COPS2: variants seen among roughly 807,000 people sequenced by gnomAD.
COPS2 encodes COP9 signalosome subunit 2, also known as COP9 signalosome complex subunit 2.
COPS2 carries 10 observed loss-of-function variants against 66.1 expected under a neutral mutation model. The ratio of observed to expected loss-of-function variants is 0.15; its 90% CI spans 0.09 to 0.26. The LOEUF (loss-of-function observed/expected upper bound fraction) is 0.26, where lower values mean the gene tolerates loss of function less well. COPS2 is among the 10% of genes least tolerant of loss of function. COPS2 has a pLI of 1.00. For missense variants in COPS2, 215 were observed against 513.3 expected (o/e 0.42, Z 5.62); for synonymous variants, 179 against 171.3 (o/e 1.04, Z -0.35).
chr15:49,146,555 G>A (rs905527020), intron 1 of COPS2, among the ~76,000 whole-genome samples: 41 of 152,094 alleles, frequency 2.7e-4, no homozygotes, highest in African/African-American at 8.5e-4. Context: ...AAAGAGAATA[G>A]TACACGTAGT....
intron 6 of COPS2, 77 bp downstream of exon 6, chr15:49,137,073 A>C: frequency 1.2e-6 from 1 of 863,516 alleles, no homozygotes; most frequent in Non-Finnish European, 1.8e-6. Context: ...TCCCTAAACA[A>C]TATTTTGAAT....
rs1480383503 is a variant in COPS2, at chr15:49,126,669, A to T, written c.*1281T>A. The T allele has an allele frequency of 6.6e-6, 1 of 152,134 alleles. No homozygotes were observed. Among genetic ancestry groups the T allele is most frequent in the Non-Finnish European group, 1.5e-5 (1 of 67,956 alleles). The allele number at this position is 152,134 out of a possible 1,614,324, so 9.4% of individuals were successfully genotyped here. A position where few individuals can be genotyped will look rare whatever the true frequency, so the allele number is the denominator to read the frequency against. On this transcript the variant is annotated 3_prime_UTR_variant, in exon 13 of 13. Transcript: ENST00000388901. ...TGAGCTGAGTTCCTTTAAGGTAGTTACCTTGGAAGGCCACAGTTCATTCTC... is the reference window on the plus strand; with the variant it reads ...TGAGCTGAGTTCCTTTAAGGTAGTTTCCTTGGAAGGCCACAGTTCATTCTC...
intron 3 of COPS2, among the ~76,000 whole-genome samples, chr15:49,141,728 C>A (rs1310249551): frequency 1.3e-5 from 2 of 152,128 alleles, no homozygotes; most frequent in Admixed American, 6.6e-5. Context: ...GGTACAGAAG[C>A]TGAAATCACT....
rs2084180088 is a variant in COPS2, at chr15:49,127,912, C to A, written c.*38G>T. The A allele has an allele frequency of 3.7e-6, 6 of 1,608,236 alleles. No individual in the cohort carries two copies. Among genetic ancestry groups the A allele is most frequent in the Non-Finnish European group, 5.1e-6 (6 of 1,176,178 alleles). ...TTCTTTTAAGGATTACATCTCTGCA[C>A]TGTTGCCTTAAGGACGTCTGTAAAA... is the stretch of plus-strand genomic sequence containing the variant. On this transcript the variant is annotated 3_prime_UTR_variant, in exon 13 of 13. Transcript: ENST00000388901.
chr15:49,136,830 A>G (rs976631513), intron 6 of COPS2, among the ~76,000 whole-genome samples: 2 of 151,990 alleles, frequency 1.3e-5, no homozygotes, highest in Non-Finnish European at 2.9e-5. Flanking sequence ...CTACAAAAAA[A>G]TACAAAAAAT....
At position 49,137,432 on chromosome 15, in the gene COPS2, A is replaced by G. The variant is rs1444747471; in HGVS notation, c.378T>C (p.Asp126=). ...TTGTTTCATAGAATTCCTGCAGTAA[A>G]TCCATCTGACATAAAAAATCAGAAT... ...LDYISTSKQM[D]LLQEFYETTL... Residue 126 remains aspartate, a synonymous_variant, in exon 5 of 13, where the codon GAT becomes GAC. Transcript: ENST00000388901. 1.2e-6 allele frequency: 2 copies of G among 1,608,870 alleles called. No homozygotes were observed. The highest frequency in any genetic ancestry group is 1.7e-5 in the Admixed American group (1 of 59,808).
intron 7 of COPS2, 61 bp from the exon 8 acceptor site, chr15:49,134,169 C>T (rs1028696350): frequency 3.4e-6 from 5 of 1,465,774 alleles, no homozygotes; most frequent in East Asian, 4.5e-5. Context: ...CAAAACTGAC[C>T]ACCTCATAAA....
In COPS2 at chr15:49,128,049, C is replaced by T. The variant is rs1372561747; in HGVS notation, c.1233G>A (p.Leu411=). The T allele has an allele frequency of 6.2e-7, 1 of 1,613,868 alleles. No homozygotes were observed. Among genetic ancestry groups the T allele is most frequent in the Non-Finnish European group, 8.5e-7 (1 of 1,179,830 alleles). The change falls in exon 13 of 13, where the codon CTG becomes CTA. Residue 411 remains leucine, a synonymous_variant. Coordinates refer to ENST00000388901, the MANE Select transcript of COPS2 (RefSeq NM_004236.4). ...RIDQVNQLLE[L]DHQKRGGARY... is the part of the protein sequence containing the mutation. ...GTGCACCACCCCTCTTCTGATGATCCAGTTCAAGGAGTTGGTTGACTTGAT... is the reference window on the plus strand; with the variant it reads ...GTGCACCACCCCTCTTCTGATGATCTAGTTCAAGGAGTTGGTTGACTTGAT...
chr15:49,148,522 A>C (rs1230153913), intron 1 of COPS2, among the ~76,000 whole-genome samples: 1 of 152,240 alleles, frequency 6.6e-6, no homozygotes, highest in African/African-American at 2.4e-5. Context: ...TTTGGGCTGA[A>C]GCACAGGATG....
chr15:49,137,891 G>A (rs754608345), intron 4 of COPS2: 2 of 158,366 alleles, frequency 1.3e-5, no homozygotes, highest in Admixed American at 1.2e-4. Context: ...AGCAGTAAAT[G>A]AAATGTACAT....
In COPS2 at chr15:49,147,947, C is replaced by T. The variant is rs532285894; in HGVS notation, c.55-2869G>A. 9.9e-5 allele frequency among the ~76,000 whole-genome samples: 15 copies of T among 152,208 alleles called. No individual in the cohort carries two copies. The South Asian group carries it at 2.7e-3, about 27-fold the overall frequency. ...CAACTGATGTTCTACTGATTGACTA[C>T]AAATAGACAGTTCCTTGTTATGATC... On this transcript the variant is annotated intron_variant, in intron 1 of 12. Coordinates refer to ENST00000388901, the MANE Select transcript of COPS2 (RefSeq NM_004236.4).
At chr15:49,141,230 G>C (rs111747670) in intron 3 of COPS2, among the ~76,000 whole-genome samples, 1,822 of 152,262 alleles carry the variant, frequency 0.012, 35 homozygotes, top group African/African-American at 0.042. Flanking sequence ...GGCTGGGCTT[G>C]GTGGCTCACT....
chr15:49,128,676 G>A (rs1255164490), intron 12 of COPS2, 26 bp downstream of exon 12: 3 of 1,508,862 alleles, frequency 2.0e-6, no homozygotes. Context: ...CAAATATTTT[G>A]TGATAAAAAA....
At position 49,127,034 on chromosome 15, in the gene COPS2, T is replaced by A. The variant is rs2084171977; in HGVS notation, c.*916A>T. 6.6e-6 allele frequency: 1 copy of A among 152,150 alleles called. No homozygotes were observed. Among genetic ancestry groups the A allele is most frequent in the Admixed American group, 6.5e-5 (1 of 15,274 alleles). The allele number at this position is 152,150 out of a possible 1,614,324, so 9.4% of individuals were successfully genotyped here. On this transcript the variant is annotated 3_prime_UTR_variant, in exon 13 of 13. Transcript: ENST00000388901. ...AGTAACATTCATTTAGCTGTCTATG[T>A]TCTGGCATATTCGTTTAAAGTGAAC... is the stretch of plus-strand genomic sequence containing the variant.
intron 6 of COPS2, among the ~76,000 whole-genome samples, chr15:49,136,110 T>C (rs1283681475): frequency 2.0e-5 from 3 of 152,226 alleles, no homozygotes; most frequent in Non-Finnish European, 2.9e-5. Flanking sequence ...GTGATTCATT[T>C]AGAACAGTTT....
intron 3 of COPS2, among the ~76,000 whole-genome samples, chr15:49,141,160 C>T (rs1367920739): frequency 6.6e-6 from 1 of 152,122 alleles, no homozygotes; most frequent in African/African-American, 2.4e-5. Context: ...TACGACTATC[C>T]TAACTTTGAA....
At chr15:49,142,407 C>G (rs564635710) in intron 3 of COPS2, among the ~76,000 whole-genome samples, 2 of 152,154 alleles carry the variant, frequency 1.3e-5, no homozygotes, top group South Asian at 4.2e-4. Flanking sequence ...GTGACAGTAC[C>G]TCAAAAAGAA....
chr15:49,141,158 T>C (rs2084287424), intron 3 of COPS2, among the ~76,000 whole-genome samples: 1 of 152,168 alleles, frequency 6.6e-6, no homozygotes, highest in South Asian at 2.1e-4. Flanking sequence ...AATACGACTA[T>C]CCTAACTTTG....
At position 49,142,749 on chromosome 15, in the gene COPS2, C is replaced by T. The variant is rs539451990; in HGVS notation, c.246+1478G>A. Among the ~76,000 whole-genome samples the T allele has an allele frequency of 5.2e-4, 79 of 152,128 alleles. 1 individual carries two copies. The highest frequency in any genetic ancestry group is 1.3e-3 in the African/African-American group (54 of 41,504). ...GTATTCTTTACCAGTTTAAAGAAAC[C>T]GAGGAATGACATTTTGAGTATAATG... is the stretch of plus-strand genomic sequence containing the variant. On this transcript the variant is annotated intron_variant, in intron 3 of 12. Coordinates refer to ENST00000388901, the MANE Select transcript of COPS2 (RefSeq NM_004236.4).
Sources: allele counts gnomAD v4.1 joint callset (sites outside exome capture counted in the v4.1 genomes callset), GRCh38; gene constraint gnomAD v4.1.1; transcripts MANE v1.5; gene names NCBI Gene and HGNC (gene_info 2026-07-23, HGNC 2026-07-21).